The following NXN variants were observed in gnomAD, a reference collection of about 807,000 sequenced individuals.
NXN encodes the protein nucleoredoxin 1.
A neutral mutation model predicts 48.6 loss-of-function variants in NXN; 16 were observed. That is an observed-to-expected ratio of 0.33 (90% CI 0.22 to 0.50). The LOEUF is 0.50. Among genes scored for constraint, NXN ranks in the 20% least tolerant of loss-of-function variants. The pLI, the probability that NXN is intolerant of heterozygous loss-of-function variation, is 0.98. For missense variants in NXN, 492 were observed against 605.5 expected, an observed-to-expected ratio of 0.81 and a Z score of 1.97; for synonymous variants, 281 against 269.6, an observed-to-expected ratio of 1.04 and a Z score of -0.41.
chr17:922,721 G>A (rs531483065), intron 1 of NXN, among the ~76,000 whole-genome samples: 19 of 151,878 alleles, frequency 1.3e-4, no homozygotes, highest in South Asian at 1.2e-3. Flanking sequence ...GTGCGATCTC[G>A]GCTCACTGCA....
At chr17:914,036 A>G (rs1436762543) in intron 1 of NXN, among the ~76,000 whole-genome samples, 1 of 151,890 alleles carries the variant, frequency 6.6e-6, no homozygotes. Flanking sequence ...GGTAGCTGGG[A>G]CTCCAGACAC....
chr17:972,806 T>C (rs958598267), intron 1 of NXN, among the ~76,000 whole-genome samples: 1 of 151,996 alleles, frequency 6.6e-6, no homozygotes, highest in Non-Finnish European at 1.5e-5. Flanking sequence ...CTGACGCGGG[T>C]GGATCACGAG....
chr17:906,192 G>A (rs1392179006), intron 1 of NXN, among the ~76,000 whole-genome samples: 1 of 152,148 alleles, frequency 6.6e-6, no homozygotes, highest in Non-Finnish European at 1.5e-5. Flanking sequence ...CTCATTCTCA[G>A]GTACCTGCTT....
At chr17:805,300 C>T in intron 5 of NXN, 53 bp from the exon 6 acceptor site, 1 of 1,551,110 alleles carries the variant, frequency 6.4e-7, no homozygotes. Context: ...CTGGCCCTGC[C>T]TGGCAGGAGG....
chr17:801,059 T>G lies in NXN; in HGVS notation c.1198A>C (p.Met400Leu). 1 of 1,578,762 alleles carries G rather than the reference T, an allele frequency of 6.3e-7. No homozygotes were observed. The highest frequency in any genetic ancestry group is 8.6e-7 in the Non-Finnish European group (1 of 1,161,642). Residue 400 changes from methionine to leucine, a missense_variant, in exon 8 of 8, where the codon ATG (methionine) becomes CTG (leucine). Physicochemically the swap from Met to Leu is conservative, Grantham distance 15. Transcript: ENST00000336868. ...ATCACGTACTTGGCCCGGGCTGACA[T>G]GTCCAGGATGGTGAGCAAAGGGGCA... ...EAAPLLTILD[M>L]SARAKYVMDV...
chr17:903,096 C>T (rs1215414915), intron 1 of NXN, among the ~76,000 whole-genome samples: 1 of 152,148 alleles, frequency 6.6e-6, no homozygotes, highest in African/African-American at 2.4e-5. Context: ...CATCGACCAC[C>T]CTGGTACCCA....
intron 1 of NXN, among the ~76,000 whole-genome samples, chr17:866,163 A>G (rs2068093733): frequency 6.6e-6 from 1 of 152,214 alleles, no homozygotes; most frequent in Non-Finnish European, 1.5e-5. Context: ...GGCTATGCCG[A>G]TAGGAAGAGA....
Position 825,798 on chromosome 17 carries a change from G to A in NXN, c.478+163C>T. 1 of 602,192 alleles carries A rather than the reference G, an allele frequency of 1.7e-6. No individual in the cohort carries two copies. Among genetic ancestry groups the A allele is most frequent in the Non-Finnish European group, 3.0e-6 (1 of 333,846 alleles). 37.3% of individuals were successfully genotyped at this position (602,192 alleles called of 1,614,324 possible). On this transcript the variant is annotated intron_variant, in intron 2 of 7. Transcript: ENST00000336868. The surrounding 1 kb of genome is among the most constrained non-coding windows in gnomAD (Gnocchi z 4.1). Reference sequence around the variant, plus strand: ...GTGAAAATCTTAAAACCATGTCCTAGGGAATACTATGATTTCACCAAGACG... The same window carrying A: ...GTGAAAATCTTAAAACCATGTCCTAAGGAATACTATGATTTCACCAAGACG...
At chr17:913,877 G>A (rs534236204) in intron 1 of NXN, among the ~76,000 whole-genome samples, 2 of 152,192 alleles carry the variant, frequency 1.3e-5, no homozygotes, top group South Asian at 2.1e-4. Flanking sequence ...CCAAACTCGC[G>A]GAAGATTTTT....
chr17:842,157 C>T lies in NXN; in HGVS notation c.361-16079G>A, dbSNP rs1465646669. Reference sequence around the variant, plus strand: ...TCTCAAAAACAAAACAAAAAACCTGCTCGACACCCTTCCAATTAAACCTGC... The same window carrying T: ...TCTCAAAAACAAAACAAAAAACCTGTTCGACACCCTTCCAATTAAACCTGC... On this transcript the variant is annotated intron_variant, in intron 1 of 7. Transcript: ENST00000336868. Among the ~76,000 whole-genome samples the T allele has an allele frequency of 2.6e-5, 4 of 152,016 alleles. No individual in the cohort carries two copies. The East Asian group carries it at 7.7e-4, about 29-fold the overall frequency.
At chr17:859,503 T>A (rs1218489445) in intron 1 of NXN, among the ~76,000 whole-genome samples, 2 of 152,032 alleles carry the variant, frequency 1.3e-5, no homozygotes, top group East Asian at 3.8e-4. Context: ...AAAAAAATGG[T>A]TCCCAGCAAC....
At chr17:896,338 C>T (rs2068485533) in intron 1 of NXN, among the ~76,000 whole-genome samples, 1 of 106,428 alleles carries the variant, frequency 9.4e-6, no homozygotes, top group African/African-American at 5.3e-5. Context: ...AAAACTCCAT[C>T]TCAAAAAAAA....
chr17:911,371 G>C (rs544042205), intron 1 of NXN, among the ~76,000 whole-genome samples: 1 of 128,046 alleles, frequency 7.8e-6, no homozygotes, highest in Non-Finnish European at 1.6e-5. Context: ...ACGGAGTCTC[G>C]CTCTGTCGCC....
Position 830,379 on chromosome 17 carries a change from A to T in NXN, c.361-4301T>A, listed in dbSNP as rs931374634. 2.0e-5 allele frequency among the ~76,000 whole-genome samples: 3 copies of T among 152,146 alleles called. No individual in the cohort carries two copies. Among genetic ancestry groups the T allele is most frequent in the Admixed American group, 1.3e-4 (2 of 15,270 alleles). On this transcript the variant is annotated intron_variant, in intron 1 of 7. Transcript: ENST00000336868. This position sits in a 1 kb window ranked among gnomAD's most constrained non-coding sequence, Gnocchi z 4.2. The stretch of plus-strand genomic sequence containing the variant: ...GACACCGAGAAGTAACAGAAAGAAA[A>T]CAGGGCGGGTAAGATCACGGCTGCA...
At chr17:841,895 G>C (rs1003823726) in intron 1 of NXN, among the ~76,000 whole-genome samples, 1 of 152,184 alleles carries the variant, frequency 6.6e-6, no homozygotes, top group Non-Finnish European at 1.5e-5. Context: ...CCAGCACTTT[G>C]GGAGGCCGAG....
At chr17:824,083 C>A (rs140344974) in intron 2 of NXN, among the ~76,000 whole-genome samples, 27,086 of 149,080 alleles carry the variant, frequency 0.18, 2,515 homozygotes, top group Non-Finnish European at 0.2. Context: ...TCTGTCGCCC[C>A]GGCTGGAGTG....
At chr17:946,781 C>T (rs929730564) in intron 1 of NXN, among the ~76,000 whole-genome samples, 7 of 152,236 alleles carry the variant, frequency 4.6e-5, no homozygotes, top group Non-Finnish European at 1.0e-4. Flanking sequence ...TCAGTGTCCT[C>T]ACCTGGAAAA....
chr17:880,947 G>A (rs1000963092), intron 1 of NXN, among the ~76,000 whole-genome samples: 6 of 152,154 alleles, frequency 3.9e-5, no homozygotes, highest in African/African-American at 1.4e-4. Flanking sequence ...ACTGGTTCCT[G>A]TGGTTCAAAT....
chr17:802,665 C>G (rs939108734), intron 7 of NXN, among the ~76,000 whole-genome samples: 1 of 152,144 alleles, frequency 6.6e-6, no homozygotes, highest in Non-Finnish European at 1.5e-5. Context: ...AGTGCCACCC[C>G]GAGGCAGGGC....
Sources: allele counts gnomAD v4.1 joint callset (sites outside exome capture counted in the v4.1 genomes callset), GRCh38; gene constraint gnomAD v4.1.1; non-coding constraint Gnocchi (gnomAD v3.1); transcripts MANE v1.5; gene names NCBI Gene and HGNC (gene_info 2026-07-23, HGNC 2026-07-21).